Variants in OSBPL10 observed in about 807,000 individuals in gnomAD.
The protein encoded by OSBPL10 is oxysterol binding protein like 10.
A neutral mutation model predicts 81.7 loss-of-function variants in OSBPL10; 49 were observed. The ratio of observed to expected loss-of-function variants is 0.60; its 90% CI spans 0.48 to 0.76. The LOEUF is 0.76. Ranked by LOEUF, OSBPL10 falls within the 30% of genes least tolerant of loss-of-function variation. OSBPL10 has a pLI of 0.00. For missense variants in OSBPL10, 923 were observed against 987.8 expected, an observed-to-expected ratio of 0.93 and a Z score of 0.88; for synonymous variants, 419 against 383.6, an observed-to-expected ratio of 1.09 and a Z score of -1.08.
At chr3:32,020,342 C>T (rs1699349540) in intron 2 of OSBPL10, among the ~76,000 whole-genome samples, 1 of 152,170 alleles carries the variant, frequency 6.6e-6, no homozygotes, top group African/African-American at 2.4e-5. Flanking sequence ...GCCTGATCTG[C>T]TTTCTCTTTC....
chr3:31,816,179 C>T lies in OSBPL10; in HGVS notation c.729+13861G>A, dbSNP rs6795130. Among the ~76,000 whole-genome samples the T allele has an allele frequency of 4.0e-3, 608 of 152,154 alleles. 12 individuals are homozygous for T. The highest frequency in any genetic ancestry group is 0.035 in the South Asian group (171 of 4,826). ...TCCCAGTGACTTGTGGAGCCCAGAG[C>T]GGGTAGGTCTACGTGGAGGGATGAT... On this transcript the variant is annotated intron_variant, in intron 4 of 11. Transcript: ENST00000396556.
At chr3:31,868,477 A>G (rs1701237483) in intron 3 of OSBPL10, among the ~76,000 whole-genome samples, 1 of 152,138 alleles carries the variant, frequency 6.6e-6, no homozygotes, top group African/African-American at 2.4e-5. Flanking sequence ...GCGCTACTTG[A>G]GGAAGTGATA....
chr3:31,683,663 A>T lies in OSBPL10; in HGVS notation c.1697T>A (p.Met566Lys). Residue 566 changes from methionine to lysine, a missense_variant, in exon 8 of 12, where the codon ATG becomes AAG. Physicochemically the swap from Met to Lys is moderately conservative, Grantham distance 95. This residue lies in a region of OSBPL10 where 387 missense variants were observed against 436.3 expected (regional missense o/e 0.89). Coordinates refer to ENST00000396556, the MANE Select transcript of OSBPL10 (RefSeq NM_017784.5). ...CCCTATCATAGAGACCCCCACGGACATGCCCATGAACTTGCTTTTGGTCCA... is the reference window on the plus strand; with the variant it reads ...CCCTATCATAGAGACCCCCACGGACTTGCCCATGAACTTGCTTTTGGTCCA... ...HVWTKSKFMG[M>K]SVGVSMIGEG... 2.5e-6 allele frequency: 4 copies of T among 1,613,580 alleles called. No individual in the cohort carries two copies. The highest frequency in any genetic ancestry group is 3.4e-6 in the Non-Finnish European group (4 of 1,179,554).
At chr3:31,749,270 C>G (rs1249645206) in intron 4 of OSBPL10, among the ~76,000 whole-genome samples, 1 of 152,172 alleles carries the variant, frequency 6.6e-6, no homozygotes, top group Non-Finnish European at 1.5e-5. Flanking sequence ...CCTTTTTTCT[C>G]TTTCCTTTTG....
chr3:31,947,962 T>C (rs1697749357), intron 1 of OSBPL10, among the ~76,000 whole-genome samples: 1 of 152,078 alleles, frequency 6.6e-6, no homozygotes, highest in South Asian at 2.1e-4. Context: ...AAGCAGGGGA[T>C]TGGGTTTGAT....
At chr3:31,853,761 A>G (rs1003489283) in intron 3 of OSBPL10, among the ~76,000 whole-genome samples, 2 of 152,172 alleles carry the variant, frequency 1.3e-5, no homozygotes, top group African/African-American at 2.4e-5. Context: ...CTAACTTGAG[A>G]CAGAGCCTCT....
At chr3:32,062,450 A>C (rs1256826339) in intron 1 of OSBPL10, among the ~76,000 whole-genome samples, 1 of 94,180 alleles carries the variant, frequency 1.1e-5, no homozygotes, top group African/African-American at 2.7e-5. Context: ...TTGTATGGCT[A>C]TGGTATGTTT....
At chr3:31,726,570 A>G (rs3792542) in intron 6 of OSBPL10, among the ~76,000 whole-genome samples, 14,608 of 151,756 alleles carry the variant, frequency 0.096, 1,787 homozygotes, top group African/African-American at 0.28. Flanking sequence ...TGCCTCGGCC[A>G]CCCAAAGTGC....
At chr3:31,677,764 G>A (rs1033348855) in intron 8 of OSBPL10, among the ~76,000 whole-genome samples, 6 of 152,114 alleles carry the variant, frequency 3.9e-5, no homozygotes, top group South Asian at 2.1e-4. Flanking sequence ...GTGGAGACAC[G>A]GACACTCAAC....
At chr3:32,053,693 G>A (rs567500367) in intron 1 of OSBPL10, among the ~76,000 whole-genome samples, 1 of 152,242 alleles carries the variant, frequency 6.6e-6, no homozygotes, top group Non-Finnish European at 1.5e-5. Flanking sequence ...AAAATAATGA[G>A]GATGGTGCTG....
chr3:31,861,080 T>G (rs1701046858), intron 3 of OSBPL10, among the ~76,000 whole-genome samples: 1 of 152,190 alleles, frequency 6.6e-6, no homozygotes, highest in African/African-American at 2.4e-5. Flanking sequence ...GGATAAAAAT[T>G]GAAAATTAAG....
chr3:31,747,763 A>G, intron 5 of OSBPL10, 147 bp downstream of exon 5: 1 of 794,468 alleles, frequency 1.3e-6, no homozygotes, highest in Non-Finnish European at 2.1e-6. Context: ...CCCAAACAGT[A>G]GAGACGAAGG....
At chr3:31,924,719 A>G (rs1162064993) in intron 1 of OSBPL10, among the ~76,000 whole-genome samples, 1 of 152,172 alleles carries the variant, frequency 6.6e-6, no homozygotes, top group Non-Finnish European at 1.5e-5. Flanking sequence ...TAGGCATCAC[A>G]AGCCATATGG....
chr3:31,702,553 A>T (rs80325203), intron 6 of OSBPL10, 45 bp from the exon 7 acceptor site: 1 of 1,610,540 alleles, frequency 6.2e-7, no homozygotes, highest in Non-Finnish European at 8.5e-7. Context: ...GCCCAATAGA[A>T]GTTAGAAATA....
intron 4 of OSBPL10, among the ~76,000 whole-genome samples, chr3:31,769,652 T>C (rs1698317060): frequency 6.6e-6 from 1 of 151,464 alleles, no homozygotes; most frequent in Non-Finnish European, 1.5e-5. Context: ...AGACTGTAGC[T>C]GTGCAGACTA....
intron 4 of OSBPL10, chr3:31,796,233 G>A: frequency 5.0e-6 from 1 of 199,292 alleles, no homozygotes; most frequent in East Asian, 1.3e-4. Flanking sequence ...ACACAGGAGA[G>A]TTCACACTGG....
At chr3:31,781,118 A>C (rs1018694232) in intron 4 of OSBPL10, among the ~76,000 whole-genome samples, 5 of 152,210 alleles carry the variant, frequency 3.3e-5, no homozygotes, top group Non-Finnish European at 7.3e-5. Context: ...ATACATAATG[A>C]TCAACTGGGT....
At chr3:32,030,093 A>G in intron 2 of OSBPL10, 1 of 194,088 alleles carries the variant, frequency 5.2e-6, no homozygotes, top group Middle Eastern at 1.5e-3. Flanking sequence ...AAAGAAGGTT[A>G]GAGGCTAAAT....
At chr3:31,839,238 A>G (rs1700435904) in intron 3 of OSBPL10, among the ~76,000 whole-genome samples, 2 of 152,348 alleles carry the variant, frequency 1.3e-5, no homozygotes, top group Admixed American at 1.3e-4. Context: ...GAGTCTGGAA[A>G]AGACATACAT....
Sources: gnomAD v4.1 joint callset for allele counts (sites outside exome capture counted in the v4.1 genomes callset) on GRCh38, gnomAD v4.1.1 for gene constraint, gnomAD v4.1.1 regional missense constraint, MANE v1.5 for transcripts, NCBI Gene and HGNC (gene_info 2026-07-23, HGNC 2026-07-21) for gene names.